Variants in ATP2B2 observed in about 807,000 individuals in gnomAD.
The protein encoded by ATP2B2 is ATPase plasma membrane Ca2+ transporting 2.
ATP2B2 carries 15 observed loss-of-function variants against 120.0 expected under a neutral mutation model. The observed-to-expected ratio is 0.12, with a 90% CI of 0.08 to 0.19. The LOEUF (loss-of-function observed/expected upper bound fraction) is 0.19. ATP2B2 is among the 10% of genes least tolerant of loss of function. The pLI is 1.00. For synonymous variants in ATP2B2, 694 were observed against 700.3 expected (o/e 0.99, Z 0.14); for missense variants, 1,045 against 1,719.8 (o/e 0.61, Z 6.94).
chr3:10,609,446 T>C (rs565918887), intron 2 of ATP2B2, among the ~76,000 whole-genome samples: 2 of 152,310 alleles, frequency 1.3e-5, no homozygotes, highest in Non-Finnish European at 2.9e-5. Context: ...TCGGCGCGCC[T>C]GGCTGAAGCC....
At chr3:10,634,731 C>T (rs2069972096) in intron 1 of ATP2B2, among the ~76,000 whole-genome samples, 1 of 152,184 alleles carries the variant, frequency 6.6e-6, no homozygotes, top group Non-Finnish European at 1.5e-5. Flanking sequence ...TGCATGAATG[C>T]CTTCTGAACC....
chr3:10,358,643 C>T, intron 14 of ATP2B2, 48 bp downstream of exon 14: 1 of 1,595,938 alleles, frequency 6.3e-7, no homozygotes. Flanking sequence ...GGTGGCTGGC[C>T]TCCCAGCCTC....
chr3:10,648,030 A>G (rs940601818), intron 1 of ATP2B2, among the ~76,000 whole-genome samples: 1 of 152,202 alleles, frequency 6.6e-6, no homozygotes, highest in African/African-American at 2.4e-5. Flanking sequence ...GCAATAGAAC[A>G]GGGAGTGCAA....
At chr3:10,472,914 A>G (rs998194864) in intron 1 of ATP2B2, among the ~76,000 whole-genome samples, 6 of 152,242 alleles carry the variant, frequency 3.9e-5, no homozygotes, top group African/African-American at 1.4e-4. Context: ...CCCCAGTTGT[A>G]GGATCTTCAG....
At chr3:10,693,261 G>A (rs536196747) in intron 1 of ATP2B2, among the ~76,000 whole-genome samples, 8 of 152,286 alleles carry the variant, frequency 5.3e-5, no homozygotes, top group African/African-American at 4.8e-5. Flanking sequence ...GATATTCAAC[G>A]CACATTTCAT....
intron 1 of ATP2B2, among the ~76,000 whole-genome samples, chr3:10,453,827 G>A (rs894641667): frequency 6.6e-6 from 1 of 152,040 alleles, no homozygotes; most frequent in African/African-American, 2.4e-5. Flanking sequence ...GATGAAAAAT[G>A]ATCTTCAACC....
At position 10,334,041 on chromosome 3, in the gene ATP2B2, A is replaced by G. The variant is rs556532284; in HGVS notation, c.3420+4135T>C. On this transcript the variant is annotated intron_variant, in intron 22 of 22. Transcript: ENST00000360273. The stretch of plus-strand genomic sequence containing the variant: ...GCCCTATTGAATGGCTTTGCAAATG[A>G]GGCAGAAGAAAAGCTGAGAAAGAAG... 2.0e-5 allele frequency among the ~76,000 whole-genome samples: 3 copies of G among 152,370 alleles called. 1 individual carries two copies. Among genetic ancestry groups the G allele is most frequent in the Admixed American group, 2.0e-4 (3 of 15,312 alleles).
chr3:10,353,414 A>G (rs2060630621), intron 14 of ATP2B2, among the ~76,000 whole-genome samples: 1 of 152,214 alleles, frequency 6.6e-6, no homozygotes. Context: ...TACACAGATG[A>G]ACACAGATTA....
intron 3 of ATP2B2, among the ~76,000 whole-genome samples, chr3:10,513,134 T>G (rs1191260100): frequency 6.7e-6 from 1 of 150,224 alleles, no homozygotes; most frequent in Non-Finnish European, 1.5e-5. Flanking sequence ...CCAAAGTGTA[T>G]TTACAGAGGG....
At chr3:10,612,816 G>A (rs1027196986) in intron 2 of ATP2B2, among the ~76,000 whole-genome samples, 1 of 152,150 alleles carries the variant, frequency 6.6e-6, no homozygotes, top group Admixed American at 6.5e-5. Flanking sequence ...GCCTCCAACT[G>A]GTTATATGGT....
chr3:10,568,842 C>T (rs1434509632), intron 2 of ATP2B2, among the ~76,000 whole-genome samples: 9 of 152,206 alleles, frequency 5.9e-5, no homozygotes, highest in South Asian at 4.1e-4. Context: ...CACATAGCCT[C>T]GGTCTTCCAT....
intron 2 of ATP2B2, among the ~76,000 whole-genome samples, chr3:10,536,165 T>G (rs896656176): frequency 5.9e-5 from 9 of 152,230 alleles, no homozygotes; most frequent in African/African-American, 2.2e-4. Context: ...TTGTCATCTA[T>G]ATATACTCTT....
chr3:10,484,600 T>C (rs2065559631), intron 1 of ATP2B2, among the ~76,000 whole-genome samples: 1 of 152,118 alleles, frequency 6.6e-6, no homozygotes, highest in Non-Finnish European at 1.5e-5. Context: ...CACTTGCCAG[T>C]GGGCTGGTCT....
chr3:10,652,961 T>C (rs186739275), intron 1 of ATP2B2, among the ~76,000 whole-genome samples: 6 of 152,254 alleles, frequency 3.9e-5, no homozygotes, highest in Non-Finnish European at 5.9e-5. Context: ...TAGTGTTTAA[T>C]GGGTACAGCG....
intron 2 of ATP2B2, among the ~76,000 whole-genome samples, chr3:10,546,726 A>G (rs1351608773): frequency 6.6e-6 from 1 of 152,194 alleles, no homozygotes; most frequent in Non-Finnish European, 1.5e-5. Context: ...TGTCAAATTG[A>G]TGAGGTACAA....
intron 1 of ATP2B2, among the ~76,000 whole-genome samples, chr3:10,698,223 G>T (rs911917581): frequency 2.6e-5 from 4 of 152,192 alleles, no homozygotes; most frequent in Non-Finnish European, 4.4e-5. Context: ...GTCTGGAAAA[G>T]AATTCCTCCC....
At chr3:10,542,248 T>C (rs2067456235) in intron 2 of ATP2B2, among the ~76,000 whole-genome samples, 3 of 152,228 alleles carry the variant, frequency 2.0e-5, no homozygotes, top group Non-Finnish European at 4.4e-5. Context: ...TGATATTTAA[T>C]GTAATAATTG....
intron 2 of ATP2B2, among the ~76,000 whole-genome samples, chr3:10,609,767 A>G (rs1397724339): frequency 6.6e-6 from 1 of 152,174 alleles, no homozygotes; most frequent in Non-Finnish European, 1.5e-5. Context: ...TAGATGGCTC[A>G]GGGCTGATGA....
At chr3:10,391,227 G>T (rs2061839750) in intron 5 of ATP2B2, among the ~76,000 whole-genome samples, 1 of 152,188 alleles carries the variant, frequency 6.6e-6, no homozygotes, top group Non-Finnish European at 1.5e-5. Flanking sequence ...GGGGTGGACT[G>T]CCGAGTCACT....
Sources: allele counts gnomAD v4.1 joint callset (sites outside exome capture counted in the v4.1 genomes callset), GRCh38; gene constraint gnomAD v4.1.1; transcripts MANE v1.5; gene names NCBI Gene and HGNC (gene_info 2026-07-23, HGNC 2026-07-21).